Variants in THSD7B observed in about 807,000 individuals in gnomAD.
THSD7B encodes the protein thrombospondin type 1 domain containing 7B, also known as thrombospondin type-1 domain-containing protein 7B.
THSD7B carries 138 observed loss-of-function variants against 213.6 expected under a neutral mutation model. That is an observed-to-expected ratio of 0.65 (90% CI 0.56 to 0.74). THSD7B has a LOEUF of 0.74. Ranked by LOEUF, THSD7B falls within the 30% of genes least tolerant of loss-of-function variation. The pLI is 0.00. For synonymous variants in THSD7B, 742 were observed against 687.0 expected (o/e 1.08, Z -1.25); for missense variants, 1,931 against 1,991.5 (o/e 0.97, Z 0.58).
chr2:137,478,574 A>T (rs948276032), intron 15 of THSD7B, among the ~76,000 whole-genome samples: 1 of 151,912 alleles, frequency 6.6e-6, no homozygotes, highest in Non-Finnish European at 1.5e-5. Flanking sequence ...CATATTTTTC[A>T]TTGGAATCTC....
intron 2 of THSD7B, among the ~76,000 whole-genome samples, chr2:136,992,355 A>G (rs1235636248): frequency 1.3e-5 from 2 of 152,222 alleles, no homozygotes; most frequent in Non-Finnish European, 2.9e-5. Flanking sequence ...TGTGGAAACC[A>G]TGGGAACCAA....
At chr2:137,163,218 C>T (rs1353808296) in intron 6 of THSD7B, among the ~76,000 whole-genome samples, 5 of 152,134 alleles carry the variant, frequency 3.3e-5, no homozygotes, top group Non-Finnish European at 7.3e-5. Flanking sequence ...TACCCTGGTC[C>T]ATCATTCATA....
intron 2 of THSD7B, among the ~76,000 whole-genome samples, chr2:136,950,256 GA>G (rs1332275225): frequency 6.7e-6 from 1 of 149,866 alleles, no homozygotes; most frequent in Non-Finnish European, 1.5e-5. Flanking sequence ...CATCTCAGAA[GA>G]AAAAAATAAA....
At chr2:136,951,841 G>GT (rs61038980) in intron 2 of THSD7B, among the ~76,000 whole-genome samples, 18 of 152,044 alleles carry the variant, frequency 1.2e-4, no homozygotes, top group East Asian at 7.7e-4. Flanking sequence ...AAGGCATCAA[G>GT]TTTTTTTAAA....
chr2:137,137,777 T>C (rs1174475063), intron 5 of THSD7B, among the ~76,000 whole-genome samples: 3 of 152,296 alleles, frequency 2.0e-5, no homozygotes, highest in African/African-American at 7.2e-5. Flanking sequence ...TTCATCCATG[T>C]TATCCTTTCA....
At chr2:137,667,209 G>T (rs1174419272) in intron 26 of THSD7B, among the ~76,000 whole-genome samples, 2 of 152,126 alleles carry the variant, frequency 1.3e-5, no homozygotes, top group Non-Finnish European at 2.9e-5. Flanking sequence ...ATGATTACCA[G>T]TGTTTGTTTG....
intron 12 of THSD7B, among the ~76,000 whole-genome samples, chr2:137,397,794 T>C (rs1327769282): frequency 6.7e-6 from 1 of 149,632 alleles, no homozygotes; most frequent in East Asian, 2.0e-4. Context: ...CCCATCACTT[T>C]CAGGTACACC....
At chr2:137,129,064 C>T (rs560174172) in intron 5 of THSD7B, among the ~76,000 whole-genome samples, 4 of 151,680 alleles carry the variant, frequency 2.6e-5, no homozygotes, top group Non-Finnish European at 5.9e-5. Flanking sequence ...TTTTTCATGA[C>T]CCTGAAAAAA....
intron 7 of THSD7B, among the ~76,000 whole-genome samples, chr2:137,227,138 C>A (rs1473027381): frequency 1.3e-5 from 2 of 152,026 alleles, no homozygotes; most frequent in Non-Finnish European, 2.9e-5. Flanking sequence ...TATTTTGTAA[C>A]CATTGTGAAT....
At chr2:137,503,690 C>T (rs1679765331) in intron 15 of THSD7B, among the ~76,000 whole-genome samples, 1 of 152,094 alleles carries the variant, frequency 6.6e-6, no homozygotes, top group Non-Finnish European at 1.5e-5. Context: ...CCCTAGTTCC[C>T]TCCTCTGTTA....
At chr2:137,147,242 T>C (rs1679721064) in intron 5 of THSD7B, among the ~76,000 whole-genome samples, 1 of 152,164 alleles carries the variant, frequency 6.6e-6, no homozygotes, top group African/African-American at 2.4e-5. Flanking sequence ...TTGTTCGGTT[T>C]TGCAGTAAAG....
At position 136,807,781 on chromosome 2, in the gene THSD7B, C is replaced by T. The variant is rs561923518; in HGVS notation, c.-36+42094C>T. On this transcript the variant is annotated intron_variant, in intron 1 of 27. Coordinates refer to ENST00000409968, the MANE Select transcript of THSD7B (RefSeq NM_001316349.2). ...TCGGCCTCTCAAAGTGCTGGGATTACAGGCGTGAGCCACCACACCTGGCCA... is the reference window on the plus strand; with the variant it reads ...TCGGCCTCTCAAAGTGCTGGGATTATAGGCGTGAGCCACCACACCTGGCCA... Among the ~76,000 whole-genome samples the T allele has an allele frequency of 3.9e-5, 6 of 152,284 alleles. No individual in the cohort carries two copies. In the East Asian group the frequency reaches 1.2e-3, roughly 29 times the overall value.
intron 2 of THSD7B, among the ~76,000 whole-genome samples, chr2:136,952,434 CTTTTTT>C: frequency 8.0e-6 from 1 of 125,596 alleles, no homozygotes; most frequent in African/African-American, 3.0e-5. Flanking sequence ...GGGCAGAAAA[CTTTTTT>C]TTTTTTTTTT....
chr2:136,955,941 A>G (rs1353268113), intron 2 of THSD7B, among the ~76,000 whole-genome samples: 11 of 151,320 alleles, frequency 7.3e-5, no homozygotes. Flanking sequence ...TATGGGCATG[A>G]GCCACCACGC....
intron 21 of THSD7B, among the ~76,000 whole-genome samples, chr2:137,644,471 C>G (rs72985418): frequency 0.073 from 11,124 of 151,920 alleles, 1,331 homozygotes; most frequent in African/African-American, 0.25. Flanking sequence ...AAAAGCCCAC[C>G]GAAAATGACA....
intron 3 of THSD7B, among the ~76,000 whole-genome samples, chr2:137,091,018 A>G (rs1171280470): frequency 6.6e-6 from 1 of 152,198 alleles, no homozygotes; most frequent in Non-Finnish European, 1.5e-5. Context: ...TCAACATGTT[A>G]CCTTTTATTA....
At chr2:136,939,871 A>T (rs1248029814) in intron 2 of THSD7B, among the ~76,000 whole-genome samples, 1 of 151,022 alleles carries the variant, frequency 6.6e-6, no homozygotes, top group African/African-American at 2.4e-5. Flanking sequence ...CCCTACCACC[A>T]CCCCCCGACA....
At chr2:137,492,621 T>C (rs1006159002) in intron 15 of THSD7B, among the ~76,000 whole-genome samples, 5 of 152,194 alleles carry the variant, frequency 3.3e-5, no homozygotes, top group Non-Finnish European at 5.9e-5. Context: ...AAGACTTGTG[T>C]AGACATTCTG....
At chr2:137,128,302 A>G (rs373022137) in intron 5 of THSD7B, among the ~76,000 whole-genome samples, 87 of 152,336 alleles carry the variant, frequency 5.7e-4, no homozygotes, top group African/African-American at 2.0e-3. Context: ...TTCTACATTA[A>G]TCTGTTTAGG....
Sources: allele counts gnomAD v4.1 joint callset (sites outside exome capture counted in the v4.1 genomes callset), GRCh38; gene constraint gnomAD v4.1.1; transcripts MANE v1.5; gene names NCBI Gene and HGNC (gene_info 2026-07-23, HGNC 2026-07-21).